Variants in RAPGEFL1 observed in about 807,000 individuals in gnomAD.
RAPGEFL1 encodes the protein Rap guanine nucleotide exchange factor like 1.
Under a neutral mutation model 64.4 loss-of-function variants are expected in RAPGEFL1, and 31 were observed. That is an observed-to-expected ratio of 0.48 (90% CI 0.36 to 0.65). RAPGEFL1 has a LOEUF of 0.65. Among genes scored for constraint, RAPGEFL1 ranks in the 30% least tolerant of loss-of-function variants. The pLI is 0.00. For missense variants in RAPGEFL1, 682 were observed against 677.4 expected, an observed-to-expected ratio of 1.01 and a Z score of -0.08; for synonymous variants, 331 against 274.1, an observed-to-expected ratio of 1.21 and a Z score of -2.05.
Position 40,194,903 on chromosome 17 carries a change from G to A in RAPGEFL1, c.*1115G>A, listed in dbSNP as rs1290203855. 1 of 152,648 alleles carries A rather than the reference G, an allele frequency of 6.6e-6. No homozygotes were observed. The highest frequency in any genetic ancestry group is 1.5e-5 in the Non-Finnish European group (1 of 68,148). The allele number at this position is 152,648 out of a possible 1,614,324, so 9.5% of individuals were successfully genotyped here. A position where few individuals can be genotyped will look rare whatever the true frequency, so the allele number is the denominator to read the frequency against. ...GAGGGGGATGGCAGAGACTGTAAAGGCGCCACTGGACTCTGGCAAGGCCTT... is the reference window on the plus strand; with the variant it reads ...GAGGGGGATGGCAGAGACTGTAAAGACGCCACTGGACTCTGGCAAGGCCTT... On this transcript the variant is annotated 3_prime_UTR_variant, in exon 15 of 15. Transcript: ENST00000620260.
rs527640170 is a variant in RAPGEFL1 at position 40,183,147 on chromosome 17, C to CAAATAAAT, written c.600-1047_600-1040dup. Among the ~76,000 whole-genome samples, 508 of 151,848 alleles carry CAAATAAAT rather than the reference C, an allele frequency of 3.3e-3. 2 individuals carry two copies. The highest frequency in any genetic ancestry group is 0.01 in the African/African-American group (432 of 41,322). ...TGGGCAACAGAGTGAGACTCCCTCT[C>CAAATAAAT]AAATAAATAAATAAATAAATAAATA... On this transcript the variant is annotated intron_variant, in intron 2 of 14. Coordinates refer to ENST00000620260, the MANE Select transcript of RAPGEFL1 (RefSeq NM_016339.6).
intron 11 of RAPGEFL1, 85 bp downstream of exon 11, chr17:40,192,348 C>T: frequency 6.9e-7 from 1 of 1,459,190 alleles, no homozygotes; most frequent in South Asian, 1.1e-5. Context: ...CTCAAGCTTT[C>T]CTTTCAAGGT....
Position 40,191,161 on chromosome 17 carries a change from C to A in RAPGEFL1, c.1336-155C>A. The A allele has an allele frequency of 4.3e-6, 3 of 695,546 alleles. No individual in the cohort carries two copies. Among genetic ancestry groups the A allele is most frequent in the Non-Finnish European group, 6.9e-6 (3 of 433,914 alleles). 43.1% of individuals were successfully genotyped at this position (695,546 alleles called of 1,614,324 possible). ...TGCTGGTTGTTTTCTTTTTCCGCAT[C>A]TTTGCCGCCTCCTGTCCTTTCTATT... On this transcript the variant is annotated intron_variant, in intron 8 of 14. Coordinates refer to ENST00000620260, the MANE Select transcript of RAPGEFL1 (RefSeq NM_016339.6). This position sits in a 1 kb window ranked among gnomAD's most constrained non-coding sequence, Gnocchi z 5.1.
Position 40,177,611 on chromosome 17 carries a change from C to T in RAPGEFL1, c.-251C>T. ...CCCCGCAGCCTGCCCACTCTTCGGG[C>T]CGCGTGCCGGCTGCAGCCGGCATGG... On this transcript the variant is annotated 5_prime_UTR_variant, in exon 1 of 15. Coordinates refer to ENST00000620260, the MANE Select transcript of RAPGEFL1 (RefSeq NM_016339.6). 5.1e-6 allele frequency: 2 copies of T among 390,228 alleles called. No homozygotes were observed. Among genetic ancestry groups the T allele is most frequent in the Non-Finnish European group, 8.9e-6 (2 of 223,988 alleles). 24.2% of individuals were successfully genotyped at this position (390,228 alleles called of 1,614,324 possible).
intron 13 of RAPGEFL1, 78 bp downstream of exon 13, chr17:40,193,068 A>G: frequency 7.4e-7 from 1 of 1,344,760 alleles, no homozygotes; most frequent in South Asian, 1.2e-5. Context: ...CACCTCCCAA[A>G]AATAGCAGCC....
At chr17:40,189,002 C>A in intron 5 of RAPGEFL1, 24 bp downstream of exon 5, 3 of 1,601,460 alleles carry the variant, frequency 1.9e-6, no homozygotes, top group Non-Finnish European at 2.6e-6. Context: ...TTAGGAGGGG[C>A]AGGGTGTCCT....
chr17:40,182,491 T>G (rs950401220), intron 2 of RAPGEFL1, among the ~76,000 whole-genome samples: 2 of 152,296 alleles, frequency 1.3e-5, no homozygotes, highest in South Asian at 2.1e-4. Context: ...TTTTGTATTT[T>G]TTGGTGGAGA....
Position 40,193,005 on chromosome 17 carries a change from C to A in RAPGEFL1, c.1809+15C>A. 6.2e-7 allele frequency: 1 copy of A among 1,607,728 alleles called. No individual in the cohort carries two copies. The highest frequency in any genetic ancestry group is 8.5e-7 in the Non-Finnish European group (1 of 1,174,088). ...TCGAGAAGCTGGTGAGTGAGTGGCA[C>A]TGCAAACCCCTAGTCCCACAAGTGG... On this transcript the variant is annotated intron_variant, in intron 13 of 14. Coordinates refer to ENST00000620260, the MANE Select transcript of RAPGEFL1 (RefSeq NM_016339.6).
At chr17:40,193,027 G>A in intron 13 of RAPGEFL1, 37 bp downstream of exon 13, 13 of 1,565,612 alleles carry the variant, frequency 8.3e-6, no homozygotes, top group Non-Finnish European at 1.1e-5. Context: ...AGTCCCACAA[G>A]TGGGGGGCTT....
rs1270233894 is a variant in RAPGEFL1 at position 40,195,113 on chromosome 17, G to A, written c.*1325G>A. ...AGCAGCTGCTGCTCCTGCTATGAGG[G>A]TGTATATATTTTTTACCCAAAGCTC... On this transcript the variant is annotated 3_prime_UTR_variant, in exon 15 of 15. Coordinates refer to ENST00000620260, the MANE Select transcript of RAPGEFL1 (RefSeq NM_016339.6). 1 of 152,434 alleles carries A rather than the reference G, an allele frequency of 6.6e-6. No homozygotes were observed. The highest frequency in any genetic ancestry group is 2.4e-5 in the African/African-American group (1 of 41,420). 9.4% of individuals were successfully genotyped at this position (152,434 alleles called of 1,614,324 possible). A position where few individuals can be genotyped will look rare whatever the true frequency, so the allele number is the denominator to read the frequency against.
In RAPGEFL1 at chr17:40,177,654, G is replaced by C. The variant is rs1250625128; in HGVS notation, c.-208G>C. 2.4e-6 allele frequency: 1 copy of C among 411,844 alleles called. No individual in the cohort carries two copies. Among genetic ancestry groups the C allele is most frequent in the Non-Finnish European group, 4.2e-6 (1 of 237,658 alleles). The allele number at this position is 411,844 out of a possible 1,614,324, so 25.5% of individuals were successfully genotyped here. A position where few individuals can be genotyped will look rare whatever the true frequency, so the allele number is the denominator to read the frequency against. On this transcript the variant is annotated 5_prime_UTR_variant, in exon 1 of 15. Coordinates refer to ENST00000620260, the MANE Select transcript of RAPGEFL1 (RefSeq NM_016339.6). ...CGGCATGGGGGGTTGCTGAGAGCGA[G>C]CACTCCTTTCCTCTGGCACCTCCCC... is the stretch of plus-strand genomic sequence containing the variant.
chr17:40,192,763 T>A (rs1390795948), intron 12 of RAPGEFL1, 70 bp downstream of exon 12: 3 of 1,483,442 alleles, frequency 2.0e-6, no homozygotes, highest in East Asian at 4.5e-5. Flanking sequence ...TGCTTCTGAC[T>A]TCCAGCTCCC....
chr17:40,188,882 C>G lies in RAPGEFL1; in HGVS notation c.850C>G (p.Gln284Glu). ...CCATGCCAGGATTCCAGAGGAGAAC[C>G]AGCCACCCAGCAAGCAGGTGAAGCC... The part of the protein sequence containing the change: ...TVELKIPEEN[Q>E]PPSKQVKPLF... Residue 284 changes from glutamine (Q) to glutamate (E), a missense_variant, in exon 5 of 15, where the codon CAG (glutamine) becomes GAG (glutamate). Gln to Glu is a conservative substitution (Grantham distance 29). Around this residue, in one of 2 missense-constraint regions of RAPGEFL1, gnomAD observed 411 missense variants for 519.4 expected, o/e 0.79. Transcript: ENST00000620260. The G allele has an allele frequency of 6.2e-7, 1 of 1,614,138 alleles. No individual in the cohort carries two copies. The highest frequency in any genetic ancestry group is 1.3e-5 in the African/African-American group (1 of 75,046).
chr17:40,183,467 A>G (rs1989953479), intron 2 of RAPGEFL1, among the ~76,000 whole-genome samples: 1 of 151,118 alleles, frequency 6.6e-6, no homozygotes, highest in Non-Finnish European at 1.5e-5. Flanking sequence ...CCCCAAATCT[A>G]GAGAATACTT....
In RAPGEFL1 at chr17:40,190,502, G is replaced by T. The variant is rs1477610672; in HGVS notation, c.1183G>T (p.Ala395Ser). The change falls in exon 7 of 15, where the codon GCC becomes TCC. Residue 395 changes from alanine (A) to serine (S), a missense_variant. This residue lies in a region of RAPGEFL1 where 411 missense variants were observed against 519.4 expected (regional missense o/e 0.79). Coordinates refer to ENST00000620260, the MANE Select transcript of RAPGEFL1 (RefSeq NM_016339.6). The part of the protein sequence containing the change: ...TALGINSHLF[A>S]CTRDSYEALV... ...ACTGGGCATCAACAGCCACCTGTTT[G>T]CCTGTACTCGGGACAGCTATGAGGC... 1.2e-6 allele frequency: 2 copies of T among 1,614,208 alleles called. No homozygotes were observed. The highest frequency in any genetic ancestry group is 1.1e-5 in the South Asian group (1 of 91,086).
At chr17:40,180,213 G>C (rs145355133) in intron 1 of RAPGEFL1, among the ~76,000 whole-genome samples, 213 of 152,262 alleles carry the variant, frequency 1.4e-3, no homozygotes, top group Non-Finnish European at 2.3e-3. Context: ...CTGACTCATT[G>C]TAAGAACACA....
intron 14 of RAPGEFL1, 104 bp downstream of exon 14, chr17:40,193,521 G>T: frequency 6.4e-7 from 1 of 1,573,988 alleles, no homozygotes; most frequent in Non-Finnish European, 8.7e-7. Context: ...TACACTTGCT[G>T]GTTCCCCATT....
intron 13 of RAPGEFL1, 36 bp from the exon 14 acceptor site, chr17:40,193,327 T>C (rs1567697821): frequency 1.2e-6 from 2 of 1,608,528 alleles, no homozygotes; most frequent in Non-Finnish European, 1.7e-6. Flanking sequence ...CCTCTTTCTG[T>C]GCCCCTTTCA....
At chr17:40,189,954 C>CAA (rs34471525) in intron 6 of RAPGEFL1, among the ~76,000 whole-genome samples, 1 of 142,766 alleles carries the variant, frequency 7.0e-6, no homozygotes, top group Non-Finnish European at 1.6e-5. Context: ...AACTCCGTCT[C>CAA]AAAAAAAAAA....
Sources: gnomAD v4.1 joint callset for allele counts (sites outside exome capture counted in the v4.1 genomes callset) on GRCh38, gnomAD v4.1.1 for gene constraint, gnomAD v4.1.1 regional missense constraint, Gnocchi (gnomAD v3.1) non-coding constraint, MANE v1.5 for transcripts, NCBI Gene and HGNC (gene_info 2026-07-23, HGNC 2026-07-21) for gene names.